The following DNAH14 variants were observed in gnomAD, a reference collection of about 807,000 sequenced individuals.
DNAH14 encodes the protein dynein axonemal heavy chain 14, also known as axonemal beta dynein heavy chain 14.
Under a neutral mutation model 520.9 loss-of-function variants are expected in DNAH14, and 478 were observed. That is an observed-to-expected ratio of 0.92 (90% CI 0.85 to 0.99). DNAH14 has a LOEUF of 0.99. Among genes scored for constraint, DNAH14 ranks in the 50% least tolerant of loss-of-function variants. DNAH14 has a pLI of 0.00. For synonymous variants in DNAH14, 1,581 were observed against 1,757.2 expected, an observed-to-expected ratio of 0.90 and a Z score of 2.51; for missense variants, 4,831 against 5,234.5, an observed-to-expected ratio of 0.92 and a Z score of 2.38.
rs114108686 is a variant in DNAH14 at position 225,301,750 on chromosome 1, A to T, written c.8631+720A>T. Reference sequence around the variant, plus strand: ...GAATCTGGCCATCCACCATTTCTCAACTTAGTAACAACATTACTAAGTATC... The same window carrying T: ...GAATCTGGCCATCCACCATTTCTCATCTTAGTAACAACATTACTAAGTATC... On this transcript the variant is annotated intron_variant, in intron 56 of 85. Coordinates refer to ENST00000682510, the MANE Select transcript of DNAH14 (RefSeq NM_001367479.1). 5.1e-3 allele frequency among the ~76,000 whole-genome samples: 778 copies of T among 152,268 alleles called. 5 individuals are homozygous for T. Among genetic ancestry groups the T allele is most frequent in the African/African-American group, 0.018 (728 of 41,562 alleles).
In DNAH14 at chr1:225,340,590, G is replaced by C; in HGVS notation, c.10567G>C (p.Val3523Leu). 3 of 1,551,404 alleles carry C rather than the reference G, an allele frequency of 1.9e-6. No individual in the cohort carries two copies. Among genetic ancestry groups the C allele is most frequent in the Non-Finnish European group, 2.6e-6 (3 of 1,146,862 alleles). Residue 3523 changes from valine (V) to leucine (L), a missense_variant, in exon 69 of 86, where the codon GTT becomes CTT. By Grantham distance (32) the Val-to-Leu change is conservative. Coordinates refer to ENST00000682510, the MANE Select transcript of DNAH14 (RefSeq NM_001367479.1). ...CTTGTCTACTGTGGTAACTCATGAA[G>C]TTCCTCATTTAGAAGATCAACGTTC... The part of the protein sequence containing the change: ...QLLSTVVTHE[V>L]PHLEDQRSKL...
intron 66 of DNAH14, among the ~76,000 whole-genome samples, chr1:225,333,723 C>T (rs2094850206): frequency 6.6e-6 from 1 of 152,116 alleles, no homozygotes; most frequent in Non-Finnish European, 1.5e-5. Context: ...GCAAAAGTCA[C>T]AAAATATCCC....
Position 225,379,769 on chromosome 1 carries a change from T to C in DNAH14, c.12717-390T>C, listed in dbSNP as rs144268928. ...CAAACTCCTGACCTCAAGTGATCTG[T>C]CTGCCTCGGCCTCCCAAATTGCAGG... On this transcript the variant is annotated intron_variant, in intron 79 of 85. Coordinates refer to ENST00000682510, the MANE Select transcript of DNAH14 (RefSeq NM_001367479.1). Among the ~76,000 whole-genome samples the C allele has an allele frequency of 2.6e-3, 392 of 152,248 alleles. 1 individual carries two copies. Among genetic ancestry groups the C allele is most frequent in the African/African-American group, 9.1e-3 (380 of 41,542 alleles).
chr1:225,355,125 G>A (rs768657607), intron 73 of DNAH14, among the ~76,000 whole-genome samples: 4 of 152,114 alleles, frequency 2.6e-5, no homozygotes, highest in African/African-American at 2.4e-5. Context: ...TATAAACAAC[G>A]GAAATGTACT....
At chr1:225,032,180 G>C (rs1231597120) in intron 11 of DNAH14, among the ~76,000 whole-genome samples, 3 of 151,852 alleles carry the variant, frequency 2.0e-5, no homozygotes, top group Non-Finnish European at 4.4e-5. Flanking sequence ...CATTACCCAA[G>C]TATTAAGCTC....
chr1:225,386,349 G>C (rs1402899457), intron 81 of DNAH14, among the ~76,000 whole-genome samples: 1 of 152,146 alleles, frequency 6.6e-6, no homozygotes, highest in African/African-American at 2.4e-5. Flanking sequence ...AACACCAAAA[G>C]CAATGGCAAC....
Position 225,181,617 on chromosome 1 carries a change from T to C in DNAH14, c.5536-3674T>C, listed in dbSNP as rs1474262039. Among the ~76,000 whole-genome samples, 3 of 152,238 alleles carry C rather than the reference T, an allele frequency of 2.0e-5. No individual in the cohort carries two copies. In the East Asian group the frequency reaches 5.8e-4, roughly 29 times the overall value. On this transcript the variant is annotated intron_variant, in intron 36 of 85. Transcript: ENST00000682510. Reference sequence around the variant, plus strand: ...TTCATATGTTTATTGGCCTCTTATATGTCTTCTTTTGAGAAGTGTCTGTTC... The same window carrying C: ...TTCATATGTTTATTGGCCTCTTATACGTCTTCTTTTGAGAAGTGTCTGTTC...
chr1:225,097,512 G>T (rs1024097407), intron 22 of DNAH14, among the ~76,000 whole-genome samples: 1 of 152,058 alleles, frequency 6.6e-6, no homozygotes, highest in African/African-American at 2.4e-5. Flanking sequence ...GTTCACTCAC[G>T]CCTGTAATCT....
chr1:225,344,587 C>G (rs2095256335), intron 69 of DNAH14, among the ~76,000 whole-genome samples: 1 of 152,098 alleles, frequency 6.6e-6, no homozygotes. Flanking sequence ...GCATCGTATT[C>G]CATGGTGTGT....
At chr1:225,057,205 C>T (rs1305374084) in intron 17 of DNAH14, among the ~76,000 whole-genome samples, 1 of 152,154 alleles carries the variant, frequency 6.6e-6, no homozygotes, top group Non-Finnish European at 1.5e-5. Flanking sequence ...TCTTTTATTT[C>T]ATTGAGCAGT....
chr1:225,016,149 C>T (rs76934971), intron 10 of DNAH14, among the ~76,000 whole-genome samples: 8,390 of 152,258 alleles, frequency 0.055, 474 homozygotes, highest in East Asian at 0.24. Context: ...TCAAGGGGCT[C>T]ACACAACCTG....
chr1:225,093,195 GA>G (rs1296454507), intron 21 of DNAH14, among the ~76,000 whole-genome samples: 2 of 151,846 alleles, frequency 1.3e-5, no homozygotes, highest in East Asian at 3.9e-4. Flanking sequence ...ACACAATGAA[GA>G]AAAACTTCAG....
chr1:225,308,190 T>C (rs1311566991), intron 59 of DNAH14, 95 bp from the exon 60 acceptor site: 1 of 1,308,564 alleles, frequency 7.6e-7, no homozygotes, highest in Non-Finnish European at 1.0e-6. Context: ...TTTAGTAAAC[T>C]TTACCATAGT....
intron 35 of DNAH14, among the ~76,000 whole-genome samples, chr1:225,165,754 T>A (rs1337737210): frequency 6.6e-6 from 1 of 151,962 alleles, no homozygotes; most frequent in African/African-American, 2.4e-5. Context: ...CAGCTAATTT[T>A]TTTTATTTTT....
rs774494129 is a variant in DNAH14 at position 225,118,096 on chromosome 1, C to CAGTTGA, written c.4091+98_4091+99insGTTGAA. On this transcript the variant is annotated intron_variant, in intron 25 of 85. Coordinates refer to ENST00000682510, the MANE Select transcript of DNAH14 (RefSeq NM_001367479.1). Reference sequence around the variant, plus strand: ...TGATATATTATAAAAGTGCGCTAAGCAAACTGTTTCTTCAAAGATTATATC... The same window carrying CAGTTGA: ...TGATATATTATAAAAGTGCGCTAAGCAGTTGAAAACTGTTTCTTCAAAGATTATATC... 124 of 894,548 alleles carry CAGTTGA rather than the reference C, an allele frequency of 1.4e-4. No homozygotes were observed. The South Asian group carries it at 1.7e-3, about 12-fold the overall frequency. 55.4% of individuals were successfully genotyped at this position (894,548 alleles called of 1,614,324 possible).
intron 57 of DNAH14, among the ~76,000 whole-genome samples, chr1:225,304,429 A>G (rs1004969412): frequency 6.6e-6 from 1 of 152,014 alleles, no homozygotes; most frequent in Admixed American, 6.6e-5. Flanking sequence ...GTGGTGGCAC[A>G]CATCTGTAGT....
intron 61 of DNAH14, among the ~76,000 whole-genome samples, chr1:225,320,638 T>G (rs1437369797): frequency 2.0e-5 from 3 of 152,228 alleles, no homozygotes; most frequent in Admixed American, 2.0e-4. Context: ...AGCTGCTATT[T>G]CTATCATCAA....
At chr1:224,957,281 A>G (rs912070981) in intron 3 of DNAH14, among the ~76,000 whole-genome samples, 4 of 152,118 alleles carry the variant, frequency 2.6e-5, no homozygotes, top group Non-Finnish European at 5.9e-5. Context: ...GAAGTCCTAA[A>G]AAAAGGTCAG....
Position 225,109,172 on chromosome 1 carries a change from T to G in DNAH14, c.3867+8288T>G, listed in dbSNP as rs141071180. Among the ~76,000 whole-genome samples, 586 of 152,310 alleles carry G rather than the reference T, an allele frequency of 3.8e-3. 6 individuals carry two copies. The highest frequency in any genetic ancestry group is 0.013 in the African/African-American group (554 of 41,578). On this transcript the variant is annotated intron_variant, in intron 23 of 85. Transcript: ENST00000682510. ...GTGATTCTTCCAGCTTTGTTCTTTT[T>G]GCCCAGAATAGCTTTGGATATTCTG... is the stretch of plus-strand genomic sequence containing the variant.
Sources: gnomAD v4.1 joint callset for allele counts (sites outside exome capture counted in the v4.1 genomes callset) on GRCh38, gnomAD v4.1.1 for gene constraint, MANE v1.5 for transcripts, NCBI Gene and HGNC (gene_info 2026-07-23, HGNC 2026-07-21) for gene names.